SDK1: variants seen among roughly 807,000 people sequenced by gnomAD.
The protein encoded by SDK1 is sidekick cell adhesion molecule 1.
A neutral mutation model predicts 245.5 loss-of-function variants in SDK1; 157 were observed. That is an observed-to-expected ratio of 0.64 (90% CI 0.56 to 0.73). The LOEUF is 0.73. SDK1 is among the 30% of genes least tolerant of loss of function. The probability of loss-of-function intolerance (pLI) is 0.00; values close to 1 mark genes in which losing one functional copy is unlikely to be tolerated. For synonymous variants in SDK1, 1,647 were observed against 1,278.5 expected, an observed-to-expected ratio of 1.29 and a Z score of -6.15; for missense variants, 3,583 against 3,002.3, an observed-to-expected ratio of 1.19 and a Z score of -4.52.
chr7:3,672,759 T>TTATATATACATATATA (rs1783748270), intron 4 of SDK1, among the ~76,000 whole-genome samples: 1 of 50,744 alleles, frequency 2.0e-5, no homozygotes, highest in East Asian at 6.2e-4. Context: ...ATATATAATT[T>TTATATATACATATATA]TATATATATA....
chr7:3,557,997 TC>T, intron 1 of SDK1, among the ~76,000 whole-genome samples: 1 of 148,394 alleles, frequency 6.7e-6, no homozygotes, highest in Non-Finnish European at 1.5e-5. Flanking sequence ...TTTGTTTCCC[TC>T]CCCCACCCCC....
intron 4 of SDK1, among the ~76,000 whole-genome samples, chr7:3,651,537 A>C (rs1014599618): frequency 3.3e-5 from 5 of 152,196 alleles, no homozygotes; most frequent in African/African-American, 4.8e-5. Flanking sequence ...AATATGGAAA[A>C]TCTAGAAGGA....
At chr7:4,094,831 A>G (rs1782045274) in intron 22 of SDK1, among the ~76,000 whole-genome samples, 1 of 152,234 alleles carries the variant, frequency 6.6e-6, no homozygotes, top group Non-Finnish European at 1.5e-5. Flanking sequence ...CCATAAAGGC[A>G]GAGAGGCAGA....
chr7:3,977,277 C>T (rs377680718), intron 13 of SDK1, among the ~76,000 whole-genome samples: 1 of 10,368 alleles, frequency 9.6e-5, no homozygotes, highest in Non-Finnish European at 1.5e-4. Context: ...GCCACACAGA[C>T]GGTCCTCCAG....
intron 1 of SDK1, among the ~76,000 whole-genome samples, chr7:3,599,445 C>G (rs1175368549): frequency 6.6e-6 from 1 of 152,184 alleles, no homozygotes; most frequent in Non-Finnish European, 1.5e-5. Context: ...TCCGTAGAGT[C>G]TTTTGAAGAG....
At chr7:4,065,986 G>T (rs1474077781) in intron 19 of SDK1, among the ~76,000 whole-genome samples, 2 of 152,026 alleles carry the variant, frequency 1.3e-5, no homozygotes, top group Non-Finnish European at 2.9e-5. Context: ...TTACTAAAAA[G>T]ATTTGAATGT....
intron 4 of SDK1, among the ~76,000 whole-genome samples, chr7:3,732,440 A>T (rs1197222607): frequency 6.6e-6 from 1 of 152,204 alleles, no homozygotes; most frequent in Admixed American, 6.5e-5. Flanking sequence ...TGACACCATT[A>T]ATTTCTGCTT....
intron 1 of SDK1, among the ~76,000 whole-genome samples, chr7:3,465,230 A>G (rs957722018): frequency 3.8e-4 from 58 of 152,344 alleles, no homozygotes; most frequent in African/African-American, 1.4e-3. Flanking sequence ...TCTGGGCTCA[A>G]GCAGAGGCCC....
chr7:4,050,970 T>TTA (rs887075539), intron 18 of SDK1, among the ~76,000 whole-genome samples: 5 of 141,524 alleles, frequency 3.5e-5, no homozygotes, highest in Admixed American at 2.2e-4. Flanking sequence ...ACTATATATG[T>TTA]TATATATATG....
intron 1 of SDK1, among the ~76,000 whole-genome samples, chr7:3,420,191 T>C (rs1779499098): frequency 6.6e-6 from 1 of 152,256 alleles, no homozygotes; most frequent in African/African-American, 2.4e-5. Context: ...AGTGATACTA[T>C]TATAGCAGAA....
At position 3,462,561 on chromosome 7, in the gene SDK1, T is replaced by C. The variant is rs1780866494; in HGVS notation, c.299-156519T>C. Among the ~76,000 whole-genome samples the C allele has an allele frequency of 2.0e-5, 3 of 152,198 alleles. No individual in the cohort carries two copies. The East Asian group carries it at 5.8e-4, about 29-fold the overall frequency. ...CGTCTATCTACCTGTTAACTTGATA[T>C]TTCTACTTATATCTTTCTAAGCCAT... On this transcript the variant is annotated intron_variant, in intron 1 of 44. Coordinates refer to ENST00000404826, the MANE Select transcript of SDK1 (RefSeq NM_152744.4).
chr7:3,557,011 G>C (rs1051999200), intron 1 of SDK1, among the ~76,000 whole-genome samples: 1 of 144,158 alleles, frequency 6.9e-6, no homozygotes, highest in Non-Finnish European at 1.5e-5. Flanking sequence ...AATAAGGAAA[G>C]GTCTCAAATC....
chr7:3,323,057 C>T (rs1489506601), intron 1 of SDK1, among the ~76,000 whole-genome samples: 1 of 152,132 alleles, frequency 6.6e-6, no homozygotes, highest in Non-Finnish European at 1.5e-5. Context: ...CCATCTCGGC[C>T]TCCTAGAGTG....
chr7:3,440,207 C>T (rs1780154786), intron 1 of SDK1, among the ~76,000 whole-genome samples: 1 of 152,092 alleles, frequency 6.6e-6, no homozygotes, highest in Non-Finnish European at 1.5e-5. Context: ...AAGGTGTATT[C>T]CAGAGAACAA....
At chr7:4,109,075 G>A (rs1274206233) in intron 22 of SDK1, among the ~76,000 whole-genome samples, 2 of 152,188 alleles carry the variant, frequency 1.3e-5, no homozygotes, top group Admixed American at 6.5e-5. Flanking sequence ...CTCAGTGCTG[G>A]GCGTTTGCCT....
intron 22 of SDK1, among the ~76,000 whole-genome samples, chr7:4,100,160 A>C (rs112857490): frequency 0.023 from 3,471 of 152,276 alleles, 119 homozygotes; most frequent in African/African-American, 0.079. Context: ...AACATGTGGC[A>C]CAGGGAGTGT....
chr7:3,540,189 C>CT (rs1174525464), intron 1 of SDK1, among the ~76,000 whole-genome samples: 1 of 152,162 alleles, frequency 6.6e-6, no homozygotes, highest in Non-Finnish European at 1.5e-5. Context: ...GGTGGATCAG[C>CT]TGAGGTCAGG....
intron 5 of SDK1, among the ~76,000 whole-genome samples, chr7:3,832,794 C>T (rs1231492053): frequency 1.3e-5 from 2 of 151,984 alleles, no homozygotes; most frequent in African/African-American, 4.8e-5. Flanking sequence ...TGCCTGCACC[C>T]CTTTACCTTT....
intron 4 of SDK1, among the ~76,000 whole-genome samples, chr7:3,689,784 C>G (rs564692624): frequency 6.6e-6 from 1 of 152,118 alleles, no homozygotes; most frequent in African/African-American, 2.4e-5. Flanking sequence ...TTTTTATTTC[C>G]CAATGAATCC....
Sources: gnomAD v4.1 joint callset for allele counts (sites outside exome capture counted in the v4.1 genomes callset) on GRCh38, gnomAD v4.1.1 for gene constraint, MANE v1.5 for transcripts, NCBI Gene and HGNC (gene_info 2026-07-23, HGNC 2026-07-21) for gene names.